Variants in NLGN1 observed in about 807,000 individuals in gnomAD.
NLGN1 encodes neuroligin-1.
NLGN1 carries 12 observed loss-of-function variants against 65.5 expected under a neutral mutation model. The observed-to-expected ratio is 0.18, with a 90% confidence interval of 0.12 to 0.30. The LOEUF (loss-of-function observed/expected upper bound fraction) is 0.30, where lower values mean the gene tolerates loss of function less well. NLGN1 is among the 10% of genes least tolerant of loss of function. The pLI is 1.00. For synonymous variants in NLGN1, 350 were observed against 359.5 expected (o/e 0.97, Z 0.30); for missense variants, 750 against 1,007.1 (o/e 0.74, Z 3.46).
chr3:173,886,032 G>A (rs74329393), intron 4 of NLGN1, among the ~76,000 whole-genome samples: 1,722 of 152,078 alleles, frequency 0.011, 37 homozygotes, highest in African/African-American at 0.036. Context: ...ATTTAAAACC[G>A]TCATATCCCA....
chr3:173,850,913 A>G (rs940519155), intron 4 of NLGN1, among the ~76,000 whole-genome samples: 7 of 150,420 alleles, frequency 4.7e-5, no homozygotes, highest in Non-Finnish European at 8.9e-5. Context: ...TTTTTTTTTT[A>G]ATTTTACTTT....
intron 4 of NLGN1, among the ~76,000 whole-genome samples, chr3:173,818,892 G>GTTTTTTTTTTTTTTTTTTTTTTTT (rs1224307666): frequency 4.7e-5 from 1 of 21,304 alleles, no homozygotes; most frequent in African/African-American, 2.7e-4. Flanking sequence ...CCTTTGAATA[G>GTTTTTTTTTTTTTTTTTTTTTTTT]TTCTTTTTTT....
At position 173,997,205 on chromosome 3, in the gene NLGN1, T is replaced by A. The variant is rs190506164; in HGVS notation, c.646+189373T>A. On this transcript the variant is annotated intron_variant, in intron 4 of 6. Transcript: ENST00000457714. ...TGAGATAATAATTATTAATTATTTTTGAAACATAATTATCTTGGAATGGGA... is the reference window on the plus strand; with the variant it reads ...TGAGATAATAATTATTAATTATTTTAGAAACATAATTATCTTGGAATGGGA... Among the ~76,000 whole-genome samples the A allele has an allele frequency of 2.3e-3, 353 of 152,232 alleles. 1 individual carries two copies. Among genetic ancestry groups the A allele is most frequent in the African/African-American group, 6.8e-3 (284 of 41,532 alleles).
intron 4 of NLGN1, among the ~76,000 whole-genome samples, chr3:173,832,513 C>T (rs1722802570): frequency 6.6e-6 from 1 of 152,094 alleles, no homozygotes; most frequent in South Asian, 2.1e-4. Context: ...AGGATGTTTG[C>T]TAGAAAAGTT....
intron 3 of NLGN1, among the ~76,000 whole-genome samples, chr3:173,781,222 G>T (rs1372746453): frequency 6.6e-6 from 1 of 150,858 alleles, no homozygotes; most frequent in East Asian, 1.9e-4. Context: ...GTCACATACT[G>T]TACTCATACC....
chr3:174,119,568 C>T (rs1717305355), intron 4 of NLGN1, among the ~76,000 whole-genome samples: 2 of 152,232 alleles, frequency 1.3e-5, no homozygotes, highest in South Asian at 4.1e-4. Flanking sequence ...TTGGGGTTGT[C>T]TATTCTATAA....
At chr3:174,034,635 A>G (rs1486369594) in intron 4 of NLGN1, among the ~76,000 whole-genome samples, 1 of 152,108 alleles carries the variant, frequency 6.6e-6, no homozygotes, top group Non-Finnish European at 1.5e-5. Context: ...ATTAGTTTAA[A>G]ATATATACTG....
intron 2 of NLGN1, among the ~76,000 whole-genome samples, chr3:173,459,895 T>C (rs916166718): frequency 2.6e-5 from 4 of 152,016 alleles, no homozygotes; most frequent in Non-Finnish European, 4.4e-5. Context: ...AAAGCTGTTA[T>C]CAGGGGTTGT....
chr3:173,448,803 G>A (rs1201391104), intron 2 of NLGN1, among the ~76,000 whole-genome samples: 1 of 152,182 alleles, frequency 6.6e-6, no homozygotes, highest in Non-Finnish European at 1.5e-5. Flanking sequence ...GGGTGTATGT[G>A]TCGAGGAATT....
rs568426239 is a variant in NLGN1 at position 174,003,829 on chromosome 3, A to G, written c.646+195997A>G. 3.0e-4 allele frequency among the ~76,000 whole-genome samples: 46 copies of G among 152,278 alleles called. 1 individual carries two copies. The highest frequency in any genetic ancestry group is 5.3e-4 in the Non-Finnish European group (36 of 67,990). On this transcript the variant is annotated intron_variant, in intron 4 of 6. Coordinates refer to ENST00000457714, the Ensembl canonical transcript of NLGN1. The stretch of plus-strand genomic sequence containing the variant: ...TGCAATTGAATGTATCGAAATAATA[A>G]TAATTTTCAATGCAAAACTCAGATT...
chr3:173,498,275 A>G (rs509681), intron 2 of NLGN1, among the ~76,000 whole-genome samples: 114,261 of 150,852 alleles, frequency 0.76, 45,743 homozygotes, highest in East Asian at 0.97. Flanking sequence ...TCATTGTTCA[A>G]TTCCCACCTA....
At chr3:174,141,552 A>T (rs1722275588) in intron 4 of NLGN1, among the ~76,000 whole-genome samples, 1 of 152,218 alleles carries the variant, frequency 6.6e-6, no homozygotes, top group Admixed American at 6.5e-5. Flanking sequence ...TAAGGAAAAG[A>T]TCCATATGTA....
chr3:174,063,092 C>T (rs970200391), intron 4 of NLGN1, among the ~76,000 whole-genome samples: 1 of 152,040 alleles, frequency 6.6e-6, no homozygotes, highest in African/African-American at 2.4e-5. Flanking sequence ...TGCAATCTAA[C>T]ATGATAATGT....
chr3:173,548,606 T>C (rs952019761), intron 2 of NLGN1, among the ~76,000 whole-genome samples: 4 of 151,880 alleles, frequency 2.6e-5, no homozygotes, highest in Non-Finnish European at 5.9e-5. Flanking sequence ...AAATACAGTA[T>C]GTGATTTTAG....
chr3:174,280,461 A>C lies in NLGN1; in HGVS notation c.1650-20A>C. The C allele has an allele frequency of 6.6e-7, 1 of 1,512,544 alleles. No individual in the cohort carries two copies. The highest frequency in any genetic ancestry group is 9.0e-7 in the Non-Finnish European group (1 of 1,114,856). The allele number at this position is 1,512,544 out of a possible 1,614,324, so 93.7% of individuals were successfully genotyped here. On this transcript the variant is annotated intron_variant, in intron 6 of 6. Coordinates refer to ENST00000457714, the Ensembl canonical transcript of NLGN1. This position sits in a 1 kb window ranked among gnomAD's most constrained non-coding sequence, Gnocchi z 4.9. Reference sequence around the variant, plus strand: ...AAAATAAAATAGCTTTATTCTCATAATTTATCTTTTCCTTCTTAGTGACCC... The same window carrying C: ...AAAATAAAATAGCTTTATTCTCATACTTTATCTTTTCCTTCTTAGTGACCC...
intron 3 of NLGN1, among the ~76,000 whole-genome samples, chr3:173,751,774 C>T (rs1776332147): frequency 6.6e-6 from 1 of 152,100 alleles, no homozygotes; most frequent in South Asian, 2.1e-4. Context: ...CTACTAAGCA[C>T]TACTCCAGAC....
chr3:173,944,342 G>T (rs1329725603), intron 4 of NLGN1, among the ~76,000 whole-genome samples: 3 of 152,002 alleles, frequency 2.0e-5, no homozygotes, highest in Non-Finnish European at 2.9e-5. Flanking sequence ...AAAAAGGAGA[G>T]AAATTAAATT....
chr3:173,710,673 T>C (rs915160976), intron 3 of NLGN1, among the ~76,000 whole-genome samples: 2 of 152,180 alleles, frequency 1.3e-5, no homozygotes, highest in African/African-American at 4.8e-5. Flanking sequence ...AAATTTTTAA[T>C]TGCATCGGGA....
At position 174,277,528 on chromosome 3, in the gene NLGN1, TTTTA is replaced by T. The variant is rs533952547; in HGVS notation, c.860-1326_860-1323del. Among the ~76,000 whole-genome samples the T allele has an allele frequency of 7.5e-3, 1,144 of 152,040 alleles. 11 individuals carry two copies. Among genetic ancestry groups the T allele is most frequent in the Non-Finnish European group, 0.013 (896 of 67,904 alleles). ...ACCAGGTGCATTTTAGTTACACAAT[TTTTA>T]TTTATTAAAATATTTTCCTGAGCAA... On this transcript the variant is annotated intron_variant, in intron 5 of 6. Transcript: ENST00000457714.
Sources: gnomAD v4.1 joint callset for allele counts (sites outside exome capture counted in the v4.1 genomes callset) on GRCh38, gnomAD v4.1.1 for gene constraint, Gnocchi (gnomAD v3.1) non-coding constraint, MANE v1.5 for transcripts, NCBI Gene and HGNC (gene_info 2026-07-23, HGNC 2026-07-21) for gene names.